Variants in SLC5A4 observed in about 807,000 individuals in gnomAD.
The protein encoded by SLC5A4 is solute carrier family 5 member 4, also known as probable glucose sensor protein SLC5A4.
Under a neutral mutation model 70.3 loss-of-function variants are expected in SLC5A4, and 55 were observed. That is an observed-to-expected ratio of 0.78 (90% CI 0.63 to 0.98). SLC5A4 has a LOEUF of 0.98. Ranked by LOEUF, SLC5A4 falls within the 50% of genes least tolerant of loss-of-function variation. The probability of loss-of-function intolerance (pLI) is 0.00; values close to 1 mark genes in which losing one functional copy is unlikely to be tolerated. For missense variants in SLC5A4, 735 were observed against 839.2 expected (o/e 0.88, Z 1.53); for synonymous variants, 268 against 305.7 (o/e 0.88, Z 1.29).
At chr22:32,340,331 G>C in the SLC5A4 span, among the ~76,000 whole-genome samples, 376 of 152,314 alleles carry the variant, frequency 2.5e-3, 2 homozygotes, top group African/African-American at 8.8e-3. Context: ...CTGTGCACAA[G>C]GCACTGGGCA....
chr22:32,335,319 C>T, the SLC5A4 span, among the ~76,000 whole-genome samples: 10 of 150,932 alleles, frequency 6.6e-5, no homozygotes, highest in African/African-American at 2.0e-4. Flanking sequence ...AGGCTGGCAA[C>T]AGAACCACCT....
At chr22:32,225,927 C>T (rs1282216041) in intron 11 of SLC5A4, 104 bp from the exon 12 acceptor site, 4 of 786,982 alleles carry the variant, frequency 5.1e-6, no homozygotes, top group Non-Finnish European at 7.8e-6. Flanking sequence ...CATTGATTTT[C>T]CAAACAAAAT....
At chr22:32,295,471 G>T in the SLC5A4 span, among the ~76,000 whole-genome samples, 2 of 111,456 alleles carry the variant, frequency 1.8e-5, 1 homozygote, top group African/African-American at 6.5e-5. Context: ...CTTTTGAGAA[G>T]TGTCTGTTCA....
At chr22:32,328,860 C>CCTCTA in the SLC5A4 span, among the ~76,000 whole-genome samples, 1 of 152,170 alleles carries the variant, frequency 6.6e-6, no homozygotes, top group African/African-American at 2.4e-5. Flanking sequence ...TCTGGACATC[C>CCTCTA]CTCTACTCTA....
the SLC5A4 span, among the ~76,000 whole-genome samples, chr22:32,353,708 CG>C: frequency 6.6e-6 from 1 of 151,920 alleles, no homozygotes; most frequent in African/African-American, 2.4e-5. Context: ...GCCCTTGCTT[CG>C]GACACTGCAG....
the SLC5A4 span, among the ~76,000 whole-genome samples, chr22:32,268,766 G>A: frequency 2.0e-5 from 3 of 152,210 alleles, no homozygotes; most frequent in Non-Finnish European, 4.4e-5. Context: ...TAGTTAGGTC[G>A]TGCTCTAGGC....
At chr22:32,228,709 G>C (rs1190314970) in intron 11 of SLC5A4, among the ~76,000 whole-genome samples, 1 of 152,050 alleles carries the variant, frequency 6.6e-6, no homozygotes, top group Non-Finnish European at 1.5e-5. Flanking sequence ...AACTCTCCAA[G>C]CATCCTCTTG....
At chr22:32,287,461 T>G in the SLC5A4 span, among the ~76,000 whole-genome samples, 1 of 78,546 alleles carries the variant, frequency 1.3e-5, no homozygotes, top group African/African-American at 5.3e-5. Flanking sequence ...TCTCTCCGTT[T>G]AAAAGTGTTT....
At position 32,218,575 on chromosome 22, in the gene SLC5A4, A is replaced by G. The variant is rs1924864443; in HGVS notation, c.1919T>C (p.Val640Ala). 3 of 1,614,014 alleles carry G rather than the reference A, an allele frequency of 1.9e-6. No individual in the cohort carries two copies. Among genetic ancestry groups the G allele is most frequent in the South Asian group, 1.1e-5 (1 of 91,080 alleles). The part of the protein sequence containing the change: ...TSERPSWRTI[V>A]NINAILLLAV... ...CAGGAGGAGGATGGCGTTGATGTTC[A>G]CTATTGTCCTCCACGAGGGCCTCTC... Residue 640 changes from valine to alanine, a missense_variant, in exon 15 of 15, where the codon GTG becomes GCG. Coordinates refer to ENST00000266086, the MANE Select transcript of SLC5A4 (RefSeq NM_014227.3).
chr22:32,304,477 C>T, the SLC5A4 span, among the ~76,000 whole-genome samples: 27 of 152,240 alleles, frequency 1.8e-4, no homozygotes, highest in African/African-American at 6.5e-4. Flanking sequence ...CAGGGTCTCA[C>T]TGTAGCTACC....
In SLC5A4 at chr22:32,232,921, C is replaced by T. The variant is rs1022081592; in HGVS notation, c.999G>A (p.Met333Ile). 1.9e-6 allele frequency: 3 copies of T among 1,614,054 alleles called. No homozygotes were observed. The highest frequency in any genetic ancestry group is 8.5e-7 in the Non-Finnish European group (1 of 1,179,972). ...TACCTGTGTACAGGATGCGGCTGAT[C>T]ATCCCCGGCATCACCATGAGGAACA... The part of the protein sequence containing the change: ...LPMFLMVMPG[M>I]ISRILYTDMV... The change falls in exon 9 of 15, where the codon ATG becomes ATA. Residue 333 changes from methionine (M) to isoleucine (I), a missense_variant. Coordinates refer to ENST00000266086, the MANE Select transcript of SLC5A4 (RefSeq NM_014227.3).
the SLC5A4 span, among the ~76,000 whole-genome samples, chr22:32,278,383 C>G: frequency 6.6e-6 from 1 of 151,962 alleles, no homozygotes; most frequent in African/African-American, 2.4e-5. Context: ...CATTTCTTAC[C>G]CTCATAAAGA....
chr22:32,289,440 CAGG>C, the SLC5A4 span, among the ~76,000 whole-genome samples: 3 of 152,126 alleles, frequency 2.0e-5, no homozygotes, highest in Non-Finnish European at 2.9e-5. Flanking sequence ...AGTGAGTTCT[CAGG>C]AGATCTGATG....
chr22:32,324,052 C>T, the SLC5A4 span, among the ~76,000 whole-genome samples: 1 of 152,158 alleles, frequency 6.6e-6, no homozygotes, highest in South Asian at 2.1e-4. Flanking sequence ...CCTGGGGATA[C>T]ACCTCCGTTT....
the SLC5A4 span, chr22:32,354,970 G>A: frequency 6.6e-6 from 1 of 152,320 alleles, no homozygotes; most frequent in Admixed American, 6.5e-5. Flanking sequence ...TAAGCTTCCA[G>A]ACTCCAGTGT....
chr22:32,328,189 C>T, the SLC5A4 span, among the ~76,000 whole-genome samples: 2 of 152,116 alleles, frequency 1.3e-5, no homozygotes, highest in African/African-American at 4.8e-5. Flanking sequence ...CTCAGTTCCC[C>T]CATCTGTAAA....
At chr22:32,335,322 A>T in the SLC5A4 span, among the ~76,000 whole-genome samples, 39 of 150,458 alleles carry the variant, frequency 2.6e-4, no homozygotes, top group African/African-American at 9.5e-4. Flanking sequence ...CTGGCAACAG[A>T]ACCACCTAGC....
chr22:32,222,284 CT>C (rs1189544423), intron 13 of SLC5A4, among the ~76,000 whole-genome samples: 1 of 152,198 alleles, frequency 6.6e-6, no homozygotes, highest in Non-Finnish European at 1.5e-5. Flanking sequence ...TAAAAACTCT[CT>C]TCTTGGGAGT....
In SLC5A4 at chr22:32,242,259, T is replaced by TG. The variant is rs113615169; in HGVS notation, c.478-3170dup. On this transcript the variant is annotated intron_variant, in intron 5 of 14. Coordinates refer to ENST00000266086, the MANE Select transcript of SLC5A4 (RefSeq NM_014227.3). ...GCCAGGGCTCTCCCAGAAAAATAGG[T>TG]GACTCCAGGACTGGAGCAGGGCTGG... Among the ~76,000 whole-genome samples, 1,146 of 152,248 alleles carry TG rather than the reference T, an allele frequency of 7.5e-3. 13 individuals carry two copies. The highest frequency in any genetic ancestry group is 0.026 in the African/African-American group (1,069 of 41,542).
Sources: gnomAD v4.1 joint callset for allele counts (sites outside exome capture counted in the v4.1 genomes callset) on GRCh38, gnomAD v4.1.1 for gene constraint, MANE v1.5 for transcripts, NCBI Gene and HGNC (gene_info 2026-07-23, HGNC 2026-07-21) for gene names.